Variants in SLC66A1 observed in about 807,000 individuals in gnomAD.
The protein encoded by SLC66A1 is solute carrier family 66 member 1, also known as lysosomal amino acid transporter 1 homolog.
Under a neutral mutation model 33.0 loss-of-function variants are expected in SLC66A1, and 23 were observed. The ratio of observed to expected loss-of-function variants is 0.70; its 90% CI spans 0.50 to 0.99. The LOEUF (loss-of-function observed/expected upper bound fraction) is 0.99, where lower values mean the gene tolerates loss of function less well. Among genes scored for constraint, SLC66A1 ranks in the 50% least tolerant of loss-of-function variants. The probability of loss-of-function intolerance (pLI) is 0.00; values close to 1 mark genes in which losing one functional copy is unlikely to be tolerated. For synonymous variants in SLC66A1, 164 were observed against 175.5 expected, an observed-to-expected ratio of 0.93 and a Z score of 0.52; for missense variants, 335 against 383.6, an observed-to-expected ratio of 0.87 and a Z score of 1.06.
In SLC66A1 at chr1:19,326,390, G is replaced by T. The variant is rs751205794; in HGVS notation, c.525+3G>T. 23 of 1,607,278 alleles carry T rather than the reference G, an allele frequency of 1.4e-5. No homozygotes were observed. Among genetic ancestry groups the T allele is most frequent in the Non-Finnish European group, 2.0e-5 (23 of 1,178,344 alleles). On this transcript the variant is annotated splice_donor_region_variant and intron_variant, in intron 5 of 7. Transcript: ENST00000375153. ...TGTCCGTGGAGTCGGGCAGCAAGGT[G>T]AGGCGTGGGCGTGGCGGTCGAAGGG...
chr1:19,314,894 G>T (rs866211987), intron 1 of SLC66A1, among the ~76,000 whole-genome samples: 6 of 149,922 alleles, frequency 4.0e-5, no homozygotes, highest in East Asian at 3.9e-4. Context: ...GGACTATATG[G>T]TTTTTTTTTT....
chr1:19,328,131 G>A lies in SLC66A1; in HGVS notation c.805-441G>A, dbSNP rs138683400. ...TGTTTGCTGAATGGCTGTAAAGAGC[G>A]TTACCTGGGTCTCATTTCGGAGCAA... On this transcript the variant is annotated intron_variant, in intron 7 of 7. Coordinates refer to ENST00000375153, the MANE Select transcript of SLC66A1 (RefSeq NM_001040125.2). This position sits in a 1 kb window ranked among gnomAD's most constrained non-coding sequence, Gnocchi z 4.7. The A allele has an allele frequency of 8.5e-5, 25 of 292,420 alleles. No homozygotes were observed. The highest frequency in any genetic ancestry group is 7.7e-4 in the South Asian group (24 of 30,970). The allele number at this position is 292,420 out of a possible 1,614,324, so 18.1% of individuals were successfully genotyped here.
In SLC66A1 at chr1:19,328,546, C is replaced by T. The variant is rs753350296; in HGVS notation, c.805-26C>T. 1 of 1,607,548 alleles carries T rather than the reference C, an allele frequency of 6.2e-7. No individual in the cohort carries two copies. Among genetic ancestry groups the T allele is most frequent in the Non-Finnish European group, 8.5e-7 (1 of 1,176,706 alleles). On this transcript the variant is annotated intron_variant, in intron 7 of 7. Transcript: ENST00000375153. This position sits in a 1 kb window ranked among gnomAD's most constrained non-coding sequence, Gnocchi z 4.7. Reference sequence around the variant, plus strand: ...CAGGTCCAACCCAGTCTCTGCTCAGCTTGGCCTTAACGGCGGCACCCCCAG... The same window carrying T: ...CAGGTCCAACCCAGTCTCTGCTCAGTTTGGCCTTAACGGCGGCACCCCCAG...
At chr1:19,318,531 C>T (rs59652784) in intron 2 of SLC66A1, among the ~76,000 whole-genome samples, 6,464 of 152,152 alleles carry the variant, frequency 0.042, 450 homozygotes, top group African/African-American at 0.14. Context: ...CACTCAGGGC[C>T]TTCACACAAT....
downstream of SLC66A1, among the ~76,000 whole-genome samples, chr1:19,332,289 C>T (rs900605555): frequency 1.6e-4 from 25 of 152,306 alleles, no homozygotes; most frequent in African/African-American, 6.0e-4. Context: ...TGTCCGAAGC[C>T]GTTTCTTCAT....
chr1:19,317,542 A>G lies in SLC66A1; in HGVS notation c.-78-58A>G, dbSNP rs60550600. 5.2e-3 allele frequency: 7,607 copies of G among 1,467,236 alleles called. 340 individuals carry two copies. The African/African-American group carries it at 0.094, about 18-fold the overall frequency. 90.9% of individuals were successfully genotyped at this position (1,467,236 alleles called of 1,614,324 possible). ...GCTGGGATGAGCTTAGTTTGGGATGACCATGAATAGGACCTGGACCTCCCA... is the reference window on the plus strand; with the variant it reads ...GCTGGGATGAGCTTAGTTTGGGATGGCCATGAATAGGACCTGGACCTCCCA... On this transcript the variant is annotated intron_variant, in intron 1 of 7. Transcript: ENST00000375153.
At position 19,328,161 on chromosome 1, in the gene SLC66A1, A is replaced by T; in HGVS notation, c.805-411A>T. The T allele has an allele frequency of 3.2e-6, 1 of 309,388 alleles. No homozygotes were observed. The highest frequency in any genetic ancestry group is 2.2e-5 in the African/African-American group (1 of 45,486). The allele number at this position is 309,388 out of a possible 1,614,324, so 19.2% of individuals were successfully genotyped here. On this transcript the variant is annotated intron_variant, in intron 7 of 7. Transcript: ENST00000375153. This position sits in a 1 kb window ranked among gnomAD's most constrained non-coding sequence, Gnocchi z 4.7. ...CTGGGTCTCATTTCGGAGCAAGTAA[A>T]CATGGCCTTTGTTTTAATATTTGTT...
chr1:19,333,179 A>T (rs2093897160), downstream of SLC66A1, among the ~76,000 whole-genome samples: 1 of 152,130 alleles, frequency 6.6e-6, no homozygotes, highest in African/African-American at 2.4e-5. The surrounding 1 kb of genome is among the most constrained non-coding windows in gnomAD (Gnocchi z 4.2). Context: ...TGGCTCTCTC[A>T]GCCCCAAGGT....
chr1:19,328,615 C>CG lies in SLC66A1; in HGVS notation c.850dup (p.Glu284GlyfsTer3). 1 of 1,613,808 alleles carries CG rather than the reference C, an allele frequency of 6.2e-7. No homozygotes were observed. Among genetic ancestry groups the CG allele is most frequent in the Non-Finnish European group, 8.5e-7 (1 of 1,179,964 alleles). On this transcript the variant is annotated frameshift_variant, in exon 8 of 8. Coordinates refer to ENST00000375153, the MANE Select transcript of SLC66A1 (RefSeq NM_001040125.2). LOFTEE classifies it high-confidence loss of function. The surrounding 1 kb of genome is among the most constrained non-coding windows in gnomAD (Gnocchi z 4.7). ...GTGTACAGGCGCAGCACCGCCGCCT[C>CG]GGAGCTTGAGCCCCTCCTCCCCAGC...
chr1:19,315,286 A>G (rs1398432608), intron 1 of SLC66A1, among the ~76,000 whole-genome samples: 1 of 152,160 alleles, frequency 6.6e-6, no homozygotes, highest in East Asian at 1.9e-4. Context: ...TTCCAACATC[A>G]TCTGTGCTGA....
intron 2 of SLC66A1, among the ~76,000 whole-genome samples, chr1:19,321,843 A>T (rs1017136129): frequency 3.3e-5 from 5 of 151,954 alleles, no homozygotes; most frequent in Admixed American, 3.3e-4. Flanking sequence ...CTGGGATTAC[A>T]GGCATGAGCC....
At chr1:19,317,473 G>C in intron 1 of SLC66A1, 127 bp from the exon 2 acceptor site, 1 of 1,237,652 alleles carries the variant, frequency 8.1e-7, no homozygotes, top group Middle Eastern at 2.9e-4. Flanking sequence ...TGAAGATTAT[G>C]TCTTTGCCCT....
At position 19,326,565 on chromosome 1, in the gene SLC66A1, T is replaced by C; in HGVS notation, c.560T>C (p.Ile187Thr). The C allele has an allele frequency of 9.9e-6, 16 of 1,614,216 alleles. No individual in the cohort carries two copies. Among genetic ancestry groups the C allele is most frequent in the Non-Finnish European group, 1.4e-5 (16 of 1,180,026 alleles). The change falls in exon 6 of 8, where the codon ATC becomes ACC. Residue 187 changes from isoleucine to threonine, a missense_variant. By Grantham distance (89) the Ile-to-Thr change is moderately conservative. Transcript: ENST00000375153. ...CGGCAGGAAGTCATTGGCTTCGTCA[T>C]CGGCTCCATCTCCAGCGTGTTGTAC... ...FTRQEVIGFV[I>T]GSISSVLYLL... is the part of the protein sequence containing the mutation.
downstream of SLC66A1, among the ~76,000 whole-genome samples, chr1:19,333,160 C>T (rs138558934): frequency 6.6e-6 from 1 of 152,282 alleles, no homozygotes; most frequent in Non-Finnish European, 1.5e-5. This position sits in a 1 kb window ranked among gnomAD's most constrained non-coding sequence, Gnocchi z 4.2. Context: ...CTGGACCCCG[C>T]GCCCTCCCTG....
chr1:19,322,520 C>T (rs1353285616), intron 2 of SLC66A1, among the ~76,000 whole-genome samples: 2 of 152,088 alleles, frequency 1.3e-5, no homozygotes, highest in Non-Finnish European at 2.9e-5. Context: ...CTTCTCAGTG[C>T]TGGGCCTATG....
chr1:19,321,520 G>C (rs1325439147), intron 2 of SLC66A1, among the ~76,000 whole-genome samples: 2 of 148,874 alleles, frequency 1.3e-5, no homozygotes, highest in Non-Finnish European at 2.9e-5. Flanking sequence ...CTTACATTTA[G>C]GTGTTTGATC....
Position 19,317,609 on chromosome 1 carries a change from T to C in SLC66A1, c.-69T>C. On this transcript the variant is annotated 5_prime_UTR_variant, in exon 2 of 8. Transcript: ENST00000375153. ...CCCTTCCTCCCTGTAGAACCCTTGCTGGCCTCAGAACACCAGCGCCCTCCC... is the reference window on the plus strand; with the variant it reads ...CCCTTCCTCCCTGTAGAACCCTTGCCGGCCTCAGAACACCAGCGCCCTCCC... 6.3e-7 allele frequency: 1 copy of C among 1,577,894 alleles called. No individual in the cohort carries two copies. The highest frequency in any genetic ancestry group is 8.6e-7 in the Non-Finnish European group (1 of 1,162,512).
In SLC66A1 at chr1:19,328,269, C is replaced by T. The variant is rs181902355; in HGVS notation, c.805-303C>T. Among the ~76,000 whole-genome samples the T allele has an allele frequency of 3.9e-4, 59 of 152,288 alleles. No individual in the cohort carries two copies. The highest frequency in any genetic ancestry group is 3.7e-3 in the Admixed American group (56 of 15,302). ...CCCAGCCACCTGGAAGCCTCCAGGA[C>T]GCCACAGCTGAGAGCAAGCGAAGAT... On this transcript the variant is annotated intron_variant, in intron 7 of 7. Coordinates refer to ENST00000375153, the MANE Select transcript of SLC66A1 (RefSeq NM_001040125.2). The surrounding 1 kb of genome is among the most constrained non-coding windows in gnomAD (Gnocchi z 4.7).
chr1:19,315,958 T>G (rs1249682221), intron 1 of SLC66A1, among the ~76,000 whole-genome samples: 1 of 152,188 alleles, frequency 6.6e-6, no homozygotes, highest in African/African-American at 2.4e-5. Flanking sequence ...GCTGGGAAGA[T>G]GCAACATGAG....
Sources: allele counts gnomAD v4.1 joint callset (sites outside exome capture counted in the v4.1 genomes callset), GRCh38; gene constraint gnomAD v4.1.1; non-coding constraint Gnocchi (gnomAD v3.1); transcripts MANE v1.5; gene names NCBI Gene and HGNC (gene_info 2026-07-23, HGNC 2026-07-21).